The following DOCK9 variants were observed in gnomAD, a reference collection of about 807,000 sequenced individuals.
DOCK9 encodes the protein dedicator of cytokinesis protein 9.
In DOCK9, 89 loss-of-function variants were observed where a neutral mutation model predicts 263.3. The observed-to-expected ratio is 0.34, with a 90% CI of 0.28 to 0.40. The LOEUF (loss-of-function observed/expected upper bound fraction) is 0.40. Ranked by LOEUF, DOCK9 falls within the 10% of genes least tolerant of loss-of-function variation. DOCK9 has a pLI of 1.00. For missense variants in DOCK9, 2,140 were observed against 2,603.4 expected, an observed-to-expected ratio of 0.82 and a Z score of 3.87; for synonymous variants, 976 against 973.1, an observed-to-expected ratio of 1.00 and a Z score of -0.06.
intron 1 of DOCK9, among the ~76,000 whole-genome samples, chr13:98,966,631 C>T (rs1198836209): frequency 6.6e-6 from 1 of 152,094 alleles, no homozygotes; most frequent in Non-Finnish European, 1.5e-5. Context: ...GCTCTAAAAG[C>T]CAGATTTAGT....
intron 9 of DOCK9, among the ~76,000 whole-genome samples, chr13:98,906,198 A>G (rs763480491): frequency 3.4e-4 from 52 of 152,158 alleles, no homozygotes; most frequent in Non-Finnish European, 6.6e-4. Context: ...GGCTGAGAGG[A>G]AGGCTGGAGT....
At chr13:99,051,617 A>G (rs1052704551) in intron 1 of DOCK9, among the ~76,000 whole-genome samples, 15 of 152,084 alleles carry the variant, frequency 9.9e-5, no homozygotes, top group Admixed American at 8.5e-4. Flanking sequence ...TCCCAGGCAA[A>G]CCAAGCAAAG....
rs2057951365 is a variant in DOCK9 at position 98,955,523 on chromosome 13, T to C, written c.155A>G (p.Asp52Gly). ...PAKPKLIEPLDYENVIVQKKT... is the reference protein window; with the variant it reads ...PAKPKLIEPLGYENVIVQKKT... ...CTTCTGGACGATGACATTTTCATAG[T>C]CGAGTGGCTCAATTAGCTTTGGCTT... is the stretch of plus-strand genomic sequence containing the variant. The change falls in exon 2 of 53, where the codon GAC (aspartate) becomes GGC (glycine). Residue 52 changes from aspartate (D) to glycine (G), a missense_variant. Transcript: ENST00000682017. 1 of 1,595,032 alleles carries C rather than the reference T, an allele frequency of 6.3e-7. No homozygotes were observed. The highest frequency in any genetic ancestry group is 1.7e-5 in the Admixed American group (1 of 57,760).
chr13:99,012,312 C>A (rs1232778162), intron 1 of DOCK9, among the ~76,000 whole-genome samples: 1 of 152,200 alleles, frequency 6.6e-6, no homozygotes, highest in African/African-American at 2.4e-5. Context: ...ACAAACTAGG[C>A]AGACCAGGCA....
intron 21 of DOCK9, among the ~76,000 whole-genome samples, chr13:98,884,180 T>C (rs1285566231): frequency 2.6e-5 from 4 of 152,226 alleles, no homozygotes; most frequent in African/African-American, 7.2e-5. Context: ...AAGAATCCTA[T>C]TACACCAGCA....
At position 98,897,563 on chromosome 13, in the gene DOCK9, A is replaced by G. The variant is rs2047628736; in HGVS notation, c.1634T>C (p.Phe545Ser). The part of the protein sequence containing the change: ...ASGNLDKNAR[F>S]SAIYRQDSNK... ...GCTGTCTTGCCTGTAGATGGCAGAA[A>G]ATCTGGCATTTTTGTCAAGATTTCC... Residue 545 changes from phenylalanine (F) to serine (S), a missense_variant, in exon 15 of 53, where the codon TTT (phenylalanine) becomes TCT (serine). Physicochemically the swap from Phe to Ser is radical, Grantham distance 155. Around this residue, in one of 2 missense-constraint regions of DOCK9, gnomAD observed 1,521 missense variants for 1,741.7 expected, o/e 0.87. Coordinates refer to ENST00000682017, the MANE Select transcript of DOCK9 (RefSeq NM_001366683.2). 3 of 1,613,978 alleles carry G rather than the reference A, an allele frequency of 1.9e-6. No individual in the cohort carries two copies. The highest frequency in any genetic ancestry group is 2.5e-6 in the Non-Finnish European group (3 of 1,179,862).
chr13:99,026,415 C>T (rs958157325), intron 1 of DOCK9, among the ~76,000 whole-genome samples: 1 of 152,198 alleles, frequency 6.6e-6, no homozygotes, highest in African/African-American at 2.4e-5. Context: ...ACTACCCTAA[C>T]ACAGCAAATG....
chr13:99,022,899 T>G (rs1398687957), intron 1 of DOCK9, among the ~76,000 whole-genome samples: 5 of 152,196 alleles, frequency 3.3e-5, no homozygotes, highest in Non-Finnish European at 7.3e-5. Flanking sequence ...CATTGAGCTA[T>G]GACTGTGGCA....
At chr13:98,932,118 C>A (rs141566725) in intron 2 of DOCK9, among the ~76,000 whole-genome samples, 22 of 151,808 alleles carry the variant, frequency 1.4e-4, no homozygotes, top group Non-Finnish European at 2.5e-4. Flanking sequence ...GTCGACTGGG[C>A]GCGGTGACTG....
intron 1 of DOCK9, among the ~76,000 whole-genome samples, chr13:99,030,798 C>T (rs538887449): frequency 7.2e-5 from 11 of 152,306 alleles, no homozygotes; most frequent in African/African-American, 2.6e-4. Context: ...ACTTTGAACT[C>T]AGGTATCATT....
intron 1 of DOCK9, among the ~76,000 whole-genome samples, chr13:99,027,139 C>G (rs557079952): frequency 1.1e-4 from 17 of 152,278 alleles, no homozygotes; most frequent in Admixed American, 8.5e-4. Flanking sequence ...CCTGCCTCAG[C>G]CTCCCAAGTA....
chr13:98,863,620 A>C, intron 30 of DOCK9, 72 bp from the exon 31 acceptor site: 1 of 1,462,888 alleles, frequency 6.8e-7, no homozygotes, highest in South Asian at 1.4e-5. Context: ...ACAAACAAAC[A>C]AACAAAAAAA....
At chr13:99,061,725 C>T (rs1028040800) in intron 1 of DOCK9, among the ~76,000 whole-genome samples, 3 of 152,136 alleles carry the variant, frequency 2.0e-5, no homozygotes, top group Admixed American at 1.3e-4. Flanking sequence ...TTTTCCTTCT[C>T]ACCACATCAC....
chr13:98,980,526 C>A (rs1391962081), upstream of DOCK9, among the ~76,000 whole-genome samples: 1 of 152,228 alleles, frequency 6.6e-6, no homozygotes, highest in South Asian at 2.1e-4. Flanking sequence ...AAGACAGCAG[C>A]ATCTGGCTTT....
At chr13:98,809,525 A>G in intron 46 of DOCK9, 60 bp from the exon 47 acceptor site, 16 of 1,396,750 alleles carry the variant, frequency 1.1e-5, no homozygotes, top group Non-Finnish European at 1.6e-5. Context: ...CGATTTTAAA[A>G]TAACAAATGT....
intron 32 of DOCK9, 24 bp downstream of exon 32, chr13:98,862,994 AG>A (rs1360751903): frequency 6.4e-7 from 1 of 1,573,812 alleles, no homozygotes; most frequent in South Asian, 1.2e-5. Context: ...ATATAGGCTG[AG>A]TTAATGTGAC....
chr13:98,876,149 C>T (rs1767458924), intron 27 of DOCK9, among the ~76,000 whole-genome samples: 1 of 152,150 alleles, frequency 6.6e-6, no homozygotes, highest in Non-Finnish European at 1.5e-5. Context: ...GAATCCAGGG[C>T]CCAGGTGCTC....
At chr13:99,082,564 T>TAAATAAAA (rs896043553) in intron 1 of DOCK9, among the ~76,000 whole-genome samples, 5 of 22,960 alleles carry the variant, frequency 2.2e-4, no homozygotes, top group African/African-American at 6.1e-4. Flanking sequence ...AATAAATAAA[T>TAAATAAAA]AAAAAAAAAC....
chr13:98,879,299 A>G (rs560843291), intron 27 of DOCK9, among the ~76,000 whole-genome samples: 1 of 152,284 alleles, frequency 6.6e-6, no homozygotes, highest in Admixed American at 6.5e-5. Flanking sequence ...TCAGAAAGGA[A>G]CACACATCCA....
Sources: allele counts gnomAD v4.1 joint callset (sites outside exome capture counted in the v4.1 genomes callset), GRCh38; gene constraint gnomAD v4.1.1; regional missense constraint gnomAD v4.1.1; transcripts MANE v1.5; gene names NCBI Gene and HGNC (gene_info 2026-07-23, HGNC 2026-07-21).